The following PIAS2 variants were observed in gnomAD, a reference collection of about 807,000 sequenced individuals.
The protein encoded by PIAS2 is E3 SUMO-protein ligase PIAS2.
Under a neutral mutation model 69.7 loss-of-function variants are expected in PIAS2, and 19 were observed. The ratio of observed to expected loss-of-function variants is 0.27; its 90% confidence interval spans 0.19 to 0.40. The LOEUF (loss-of-function observed/expected upper bound fraction) is 0.40, where lower values mean the gene tolerates loss of function less well. PIAS2 is among the 10% of genes least tolerant of loss of function. The probability of loss-of-function intolerance (pLI) is 1.00; values close to 1 mark genes in which losing one functional copy is unlikely to be tolerated. For synonymous variants in PIAS2, 261 were observed against 263.2 expected (o/e 0.99, Z 0.08); for missense variants, 624 against 757.0 (o/e 0.82, Z 2.06).
chr18:46,917,298 C>A, intron 1 of PIAS2, 24 bp downstream of exon 1: 1 of 1,465,760 alleles, frequency 6.8e-7, no homozygotes, highest in Non-Finnish European at 9.1e-7. Flanking sequence ...TCCCCCGCGG[C>A]CTCCGCTCTC....
chr18:46,820,367 A>G (rs903740667), intron 12 of PIAS2, among the ~76,000 whole-genome samples: 12 of 152,170 alleles, frequency 7.9e-5, no homozygotes, highest in African/African-American at 2.9e-4. Flanking sequence ...AACAGTATAT[A>G]GGGTTCTGTA....
intron 2 of PIAS2, among the ~76,000 whole-genome samples, chr18:46,868,862 T>C (rs979590049): frequency 6.6e-6 from 1 of 152,174 alleles, no homozygotes; most frequent in South Asian, 2.1e-4. Flanking sequence ...CCTGCCTCAC[T>C]GTGGTGGCCT....
intron 2 of PIAS2, among the ~76,000 whole-genome samples, chr18:46,865,607 T>G (rs907253091): frequency 6.6e-6 from 1 of 151,520 alleles, no homozygotes; most frequent in Non-Finnish European, 1.5e-5. Context: ...AAGATGCCAG[T>G]TGGATATCCA....
At chr18:46,877,736 C>A (rs1006037807) in intron 2 of PIAS2, among the ~76,000 whole-genome samples, 5 of 152,196 alleles carry the variant, frequency 3.3e-5, no homozygotes, top group African/African-American at 9.6e-5. Context: ...AAAACCCCTT[C>A]CCTACTTTGT....
chr18:46,902,611 GA>G (rs755318608), intron 1 of PIAS2, among the ~76,000 whole-genome samples: 14 of 152,004 alleles, frequency 9.2e-5, no homozygotes, highest in Non-Finnish European at 1.9e-4. Context: ...TCACGGATTG[GA>G]AAACTCAACA....
intron 1 of PIAS2, among the ~76,000 whole-genome samples, chr18:46,912,705 G>T (rs772327645): frequency 8.5e-5 from 13 of 152,166 alleles, no homozygotes; most frequent in Middle Eastern, 3.4e-3. Context: ...AAAAAATATA[G>T]AGAGAAAGGC....
rs2040880762 is a variant in PIAS2, at chr18:46,809,705, A to G, written c.*2728T>C. On this transcript the variant is annotated 3_prime_UTR_variant, in exon 14 of 14. Transcript: ENST00000585916. ...TGTAGGTGGAGGTTGCGGTGAGCCA[A>G]GATCGCACCATTGCACTCCATCCCG... The G allele has an allele frequency of 6.6e-6, 1 of 151,872 alleles. No individual in the cohort carries two copies. Among genetic ancestry groups the G allele is most frequent in the African/African-American group, 2.4e-5 (1 of 41,198 alleles). 9.4% of individuals were successfully genotyped at this position (151,872 alleles called of 1,614,324 possible).
chr18:46,880,951 T>A (rs774121108), intron 2 of PIAS2, among the ~76,000 whole-genome samples: 23 of 152,244 alleles, frequency 1.5e-4, no homozygotes, highest in Non-Finnish European at 3.1e-4. Flanking sequence ...AAAGTTTTTC[T>A]AATTTAATCA....
chr18:46,882,789 T>C (rs2052493470), intron 2 of PIAS2, among the ~76,000 whole-genome samples: 1 of 152,170 alleles, frequency 6.6e-6, no homozygotes, highest in Non-Finnish European at 1.5e-5. Context: ...AGAAAGATTG[T>C]CACGGTGCAA....
intron 1 of PIAS2, among the ~76,000 whole-genome samples, chr18:46,897,270 G>T (rs2055039265): frequency 6.6e-6 from 1 of 152,152 alleles, no homozygotes; most frequent in Non-Finnish European, 1.5e-5. Context: ...CAGACTCCTT[G>T]GGGAAATAAA....
At chr18:46,815,778 A>T (rs1331483709) in intron 12 of PIAS2, 1 of 998,690 alleles carries the variant, frequency 1.0e-6, no homozygotes, top group East Asian at 1.1e-4. Context: ...ATCGCTTCTT[A>T]AACAGATGTC....
At chr18:46,847,430 T>C (rs891545392) in intron 5 of PIAS2, among the ~76,000 whole-genome samples, 6 of 152,060 alleles carry the variant, frequency 3.9e-5, no homozygotes, top group African/African-American at 1.4e-4. Flanking sequence ...CTGATGGCTA[T>C]CAAAATACTG....
intron 3 of PIAS2, among the ~76,000 whole-genome samples, chr18:46,860,944 C>T (rs1035844382): frequency 1.3e-5 from 2 of 152,142 alleles, no homozygotes; most frequent in African/African-American, 4.8e-5. Context: ...CACCACTGCA[C>T]TCCAGCCTGG....
chr18:46,810,573 T>C lies in PIAS2; in HGVS notation c.*1860A>G, dbSNP rs17472. ...TATGTGCAACTACTGCTCGTAGATTTGGGTTTGTTTCCCCCCCAACATCTT... is the reference window on the plus strand; with the variant it reads ...TATGTGCAACTACTGCTCGTAGATTCGGGTTTGTTTCCCCCCCAACATCTT... On this transcript the variant is annotated 3_prime_UTR_variant, in exon 14 of 14. Transcript: ENST00000585916. 0.071 allele frequency: 10,762 copies of C among 152,156 alleles called. 417 individuals are homozygous for C. The highest frequency in any genetic ancestry group is 0.081 in the Non-Finnish European group (5,519 of 67,994). 9.4% of individuals were successfully genotyped at this position (152,156 alleles called of 1,614,324 possible).
At chr18:46,857,022 C>CA (rs2047941507) in intron 3 of PIAS2, among the ~76,000 whole-genome samples, 1 of 152,218 alleles carries the variant, frequency 6.6e-6, no homozygotes, top group Non-Finnish European at 1.5e-5. Flanking sequence ...CATCAAGTTG[C>CA]TGTGACAATT....
chr18:46,836,605 T>C, intron 8 of PIAS2, 88 bp from the exon 9 acceptor site: 1 of 839,604 alleles, frequency 1.2e-6, no homozygotes, highest in Non-Finnish European at 1.8e-6. Context: ...TCGGAAGATG[T>C]CATACAAGAA....
intron 1 of PIAS2, among the ~76,000 whole-genome samples, chr18:46,891,966 C>A (rs2054140789): frequency 6.6e-6 from 1 of 152,134 alleles, no homozygotes. Context: ...ACCACACATG[C>A]ATCATCTAGC....
At chr18:46,906,779 G>GC (rs1201513389) in intron 1 of PIAS2, among the ~76,000 whole-genome samples, 2 of 144,846 alleles carry the variant, frequency 1.4e-5, no homozygotes, top group African/African-American at 2.5e-5. Context: ...TGTGTGGGGG[G>GC]GGGGGGAGGT....
intron 1 of PIAS2, among the ~76,000 whole-genome samples, chr18:46,910,895 A>G (rs2057186730): frequency 2.0e-5 from 3 of 152,340 alleles, no homozygotes; most frequent in Non-Finnish European, 2.9e-5. Flanking sequence ...GAGAACTCAG[A>G]AAGTTTATCA....
Sources: gnomAD v4.1 joint callset for allele counts (sites outside exome capture counted in the v4.1 genomes callset) on GRCh38, gnomAD v4.1.1 for gene constraint, MANE v1.5 for transcripts, NCBI Gene and HGNC (gene_info 2026-07-23, HGNC 2026-07-21) for gene names.